Variants in SP100 observed in about 807,000 individuals in gnomAD.
SP100 encodes SP100 nuclear body protein.
Under a neutral mutation model 130.0 loss-of-function variants are expected in SP100, and 84 were observed. That is an observed-to-expected ratio of 0.65 (90% CI 0.54 to 0.77). SP100 has a LOEUF of 0.77. Ranked by LOEUF, SP100 falls within the 30% of genes least tolerant of loss-of-function variation. The probability of loss-of-function intolerance (pLI) is 0.00; values close to 1 mark genes in which losing one functional copy is unlikely to be tolerated. For synonymous variants in SP100, 331 were observed against 351.7 expected, an observed-to-expected ratio of 0.94 and a Z score of 0.66; for missense variants, 978 against 1,052.2, an observed-to-expected ratio of 0.93 and a Z score of 0.97.
intron 2 of SP100, among the ~76,000 whole-genome samples, chr2:230,429,893 A>G (rs1296521355): frequency 1.3e-5 from 2 of 151,932 alleles, no homozygotes; most frequent in Non-Finnish European, 2.9e-5. Context: ...ATCTGTGTTT[A>G]CTTATAGTTC....
chr2:230,477,569 A>G (rs1381487244), intron 17 of SP100, among the ~76,000 whole-genome samples: 1 of 152,210 alleles, frequency 6.6e-6, no homozygotes, highest in East Asian at 1.9e-4. Context: ...GCATGGTGAC[A>G]TGGTGATTTG....
At chr2:230,457,392 G>A (rs1271686756) in intron 8 of SP100, among the ~76,000 whole-genome samples, 5 of 152,234 alleles carry the variant, frequency 3.3e-5, no homozygotes, top group Non-Finnish European at 7.3e-5. Flanking sequence ...TGCTGTAGGA[G>A]GCTGAAGACT....
intron 24 of SP100, among the ~76,000 whole-genome samples, chr2:230,529,901 T>G (rs988537698): frequency 2.2e-4 from 33 of 152,258 alleles, no homozygotes; most frequent in Middle Eastern, 3.4e-3. Flanking sequence ...CAAGGAGAAC[T>G]ACAAACCACT....
At chr2:230,520,229 T>C (rs1203581900) in intron 24 of SP100, among the ~76,000 whole-genome samples, 2 of 152,176 alleles carry the variant, frequency 1.3e-5, no homozygotes, top group African/African-American at 2.4e-5. Context: ...TGCTCCATGT[T>C]GCTGGGGGTA....
chr2:230,542,110 T>A (rs1692200628), intron 28 of SP100, 75 bp downstream of exon 28: 1 of 1,487,166 alleles, frequency 6.7e-7, no homozygotes, highest in Non-Finnish European at 9.3e-7. Flanking sequence ...CATCTTTTCA[T>A]GTCAGGTAAA....
In SP100 at chr2:230,498,549, A is replaced by T. The variant is rs1299219293; in HGVS notation, c.1720+14A>T. On this transcript the variant is annotated intron_variant, in intron 19 of 28. Transcript: ENST00000340126. ...GGCAACAAAGAGGTAAAAAAAAAAA[A>T]ATACATTTTAAATAAATAACGTCTA... The T allele has an allele frequency of 9.3e-6, 12 of 1,294,548 alleles. No homozygotes were observed. The highest frequency in any genetic ancestry group is 1.0e-5 in the Non-Finnish European group (10 of 959,644). The allele number at this position is 1,294,548 out of a possible 1,614,324, so 80.2% of individuals were successfully genotyped here. A position where few individuals can be genotyped will look rare whatever the true frequency, so the allele number is the denominator to read the frequency against.
chr2:230,449,857 A>G (rs2063887764), intron 7 of SP100, 147 bp downstream of exon 7: 3 of 842,138 alleles, frequency 3.6e-6, no homozygotes, highest in Non-Finnish European at 5.7e-6. Flanking sequence ...TGTTATACAG[A>G]TGAGCCTGAT....
rs73097034 is a variant in SP100 at position 230,519,406 on chromosome 2, T to G, written c.2094+8240T>G. On this transcript the variant is annotated intron_variant, in intron 24 of 28. Transcript: ENST00000340126. ...TGGTGATAATTGTGATAATTTTAAT[T>G]GTTTCATTTTCATTCTTTAGTTGTT... Among the ~76,000 whole-genome samples, 683 of 152,332 alleles carry G rather than the reference T, an allele frequency of 4.5e-3. 3 individuals carry two copies. Among genetic ancestry groups the G allele is most frequent in the African/African-American group, 0.016 (664 of 41,570 alleles).
chr2:230,438,189 A>T (rs540649813), intron 2 of SP100, among the ~76,000 whole-genome samples: 1 of 152,054 alleles, frequency 6.6e-6, no homozygotes, highest in East Asian at 1.9e-4. Context: ...AATATTGATG[A>T]TTCTTTTTCA....
intron 23 of SP100, chr2:230,508,917 C>CCCCA (rs1690346338): frequency 6.8e-6 from 1 of 146,082 alleles, no homozygotes; most frequent in African/African-American, 2.6e-5. Flanking sequence ...TTTACCTCCA[C>CCCCA]CACACACACA....
intron 13 of SP100, among the ~76,000 whole-genome samples, chr2:230,468,302 C>T (rs1035981022): frequency 1.3e-5 from 2 of 152,160 alleles, no homozygotes; most frequent in African/African-American, 4.8e-5. Context: ...TTTAGAAAGA[C>T]AATGTGGTTT....
intron 18 of SP100, among the ~76,000 whole-genome samples, chr2:230,495,632 A>T (rs1469973673): frequency 1.3e-5 from 2 of 152,302 alleles, no homozygotes; most frequent in Non-Finnish European, 2.9e-5. Context: ...CATATGCCAC[A>T]CTGTGAAGAT....
At chr2:230,431,584 A>G (rs2063101469) in intron 2 of SP100, among the ~76,000 whole-genome samples, 1 of 152,176 alleles carries the variant, frequency 6.6e-6, no homozygotes, top group Non-Finnish European at 1.5e-5. Context: ...CTAAAGCCAG[A>G]AACCTCCTAT....
At chr2:230,423,421 G>A (rs1389193663) in intron 2 of SP100, among the ~76,000 whole-genome samples, 1 of 151,370 alleles carries the variant, frequency 6.6e-6, no homozygotes, top group African/African-American at 2.4e-5. Flanking sequence ...CATTTTGTTG[G>A]TCTTTTCAAT....
rs192436653 is a variant in SP100, at chr2:230,489,638, G to A, written c.1601-4778G>A. Among the ~76,000 whole-genome samples, 372 of 152,090 alleles carry A rather than the reference G, an allele frequency of 2.4e-3. 2 individuals are homozygous for A. The highest frequency in any genetic ancestry group is 6.8e-3 in the Middle Eastern group (2 of 294). ...AGATTTTAGATCTTTCTAGATTTCC[G>A]ATGTGGGCATTTAGTGCTATAAATT... On this transcript the variant is annotated intron_variant, in intron 17 of 28. Transcript: ENST00000340126.
chr2:230,424,427 G>A (rs971852158), intron 2 of SP100, among the ~76,000 whole-genome samples: 4 of 152,170 alleles, frequency 2.6e-5, no homozygotes, highest in South Asian at 4.1e-4. Flanking sequence ...AGTACTTTGG[G>A]AAGCTGAGGC....
chr2:230,426,278 T>G (rs771863210), intron 2 of SP100, among the ~76,000 whole-genome samples: 9 of 152,190 alleles, frequency 5.9e-5, no homozygotes, highest in Non-Finnish European at 1.2e-4. Flanking sequence ...TTTTCTCCCT[T>G]CTGCTGCTAA....
At chr2:230,462,126 C>G (rs754350316) in intron 9 of SP100, among the ~76,000 whole-genome samples, 5 of 151,568 alleles carry the variant, frequency 3.3e-5, no homozygotes, top group African/African-American at 9.7e-5. Context: ...GAGGCAGAAG[C>G]AGGGGAGATG....
intron 8 of SP100, among the ~76,000 whole-genome samples, chr2:230,454,589 A>T (rs2149940621): frequency 6.6e-6 from 1 of 151,800 alleles, no homozygotes; most frequent in African/African-American, 2.4e-5. Context: ...GTATTTGCAA[A>T]TTTTTCAAAA....
Sources: allele counts gnomAD v4.1 joint callset (sites outside exome capture counted in the v4.1 genomes callset), GRCh38; gene constraint gnomAD v4.1.1; transcripts MANE v1.5; gene names NCBI Gene and HGNC (gene_info 2026-07-23, HGNC 2026-07-21).